Variants in SLCO6A1 observed in about 807,000 individuals in gnomAD.
The protein encoded by SLCO6A1 is solute carrier organic anion transporter family member 6A1, also known as cancer/testis antigen 48.
In SLCO6A1, 65 loss-of-function variants were observed where a neutral mutation model predicts 72.7. The observed-to-expected ratio is 0.89, with a 90% CI of 0.73 to 1.10. SLCO6A1 has a LOEUF of 1.10. SLCO6A1 is among the 50% of genes least tolerant of loss of function. The pLI is 0.00. For missense variants in SLCO6A1, 874 were observed against 872.6 expected (o/e 1.00, Z -0.02); for synonymous variants, 314 against 298.2 (o/e 1.05, Z -0.55).
At chr5:102,385,739 T>C (rs941883419) in intron 12 of SLCO6A1, among the ~76,000 whole-genome samples, 9 of 152,058 alleles carry the variant, frequency 5.9e-5, no homozygotes, top group Non-Finnish European at 1.2e-4. Context: ...GCTGTCTGTG[T>C]ACTCGTGTAG....
chr5:102,439,453 T>A (rs1387367684), intron 6 of SLCO6A1, among the ~76,000 whole-genome samples: 1 of 152,122 alleles, frequency 6.6e-6, no homozygotes, highest in Non-Finnish European at 1.5e-5. Flanking sequence ...TGCTATTTTA[T>A]GTTTACATAT....
intron 1 of SLCO6A1, among the ~76,000 whole-genome samples, chr5:102,494,689 A>G (rs1752831323): frequency 6.6e-6 from 1 of 152,218 alleles, no homozygotes; most frequent in Non-Finnish European, 1.5e-5. Flanking sequence ...GCAAATTAAA[A>G]TCACAGTGAG....
intron 6 of SLCO6A1, among the ~76,000 whole-genome samples, chr5:102,445,926 T>C (rs1409507768): frequency 6.6e-6 from 1 of 152,198 alleles, no homozygotes; most frequent in East Asian, 1.9e-4. Context: ...CATTGGTCTC[T>C]GTGTCTGTTT....
chr5:102,397,769 G>A (rs901467887), intron 10 of SLCO6A1, among the ~76,000 whole-genome samples: 6 of 152,182 alleles, frequency 3.9e-5, no homozygotes, highest in Admixed American at 1.3e-4. Flanking sequence ...GAACCTACAA[G>A]CTGGTTTCCA....
At chr5:102,446,817 C>T (rs561138563) in intron 6 of SLCO6A1, among the ~76,000 whole-genome samples, 3 of 152,172 alleles carry the variant, frequency 2.0e-5, no homozygotes, top group South Asian at 2.1e-4. Context: ...TGCAGTGGAG[C>T]GATCTCGGCT....
In SLCO6A1 at chr5:102,475,775, G is replaced by A. The variant is rs778456548; in HGVS notation, c.821C>T (p.Ser274Leu). The change falls in exon 4 of 14, where the codon TCA (serine) becomes TTA (leucine). Residue 274 changes from serine to leucine, a missense_variant. Ser to Leu is a moderately radical substitution (Grantham distance 145, BLOSUM62 -2). Transcript: ENST00000506729. ...GIYLGIAECT[S>L]MIGYALGYVL... The stretch of plus-strand genomic sequence containing the variant: ...ATAACCCAGAGCATATCCAATCATT[G>A]ATGTACATTCTGCAATACCTGTAAA... 1.2e-6 allele frequency: 2 copies of A among 1,607,430 alleles called. No homozygotes were observed. Among genetic ancestry groups the A allele is most frequent in the South Asian group, 1.1e-5 (1 of 89,780 alleles).
At chr5:102,382,428 T>A (rs1350554308) in intron 12 of SLCO6A1, among the ~76,000 whole-genome samples, 1 of 151,800 alleles carries the variant, frequency 6.6e-6, no homozygotes, top group African/African-American at 2.4e-5. Flanking sequence ...GCTTTCAGCT[T>A]TGTTCATTTT....
At position 102,413,158 on chromosome 5, in the gene SLCO6A1, T is replaced by C. The variant is rs1295362833; in HGVS notation, c.1473-15A>G. Reference sequence around the variant, plus strand: ...ACTTCCCTGTTCTGTAAAAACAAGATTGAATGTAATCATATTACCATTGTT... The same window carrying C: ...ACTTCCCTGTTCTGTAAAAACAAGACTGAATGTAATCATATTACCATTGTT... On this transcript the variant is annotated splice_polypyrimidine_tract_variant and intron_variant, in intron 8 of 13. Transcript: ENST00000506729. The C allele has an allele frequency of 6.5e-7, 1 of 1,546,352 alleles. No homozygotes were observed. Among genetic ancestry groups the C allele is most frequent in the Non-Finnish European group, 8.7e-7 (1 of 1,155,774 alleles).
chr5:102,406,641 G>A (rs1394889968), intron 9 of SLCO6A1, among the ~76,000 whole-genome samples: 1 of 152,074 alleles, frequency 6.6e-6, no homozygotes, highest in Non-Finnish European at 1.5e-5. Context: ...AGAGTTAATA[G>A]TAAGAATGTT....
chr5:102,372,190 T>C (rs1479964989), intron 13 of SLCO6A1, 67 bp from the exon 14 acceptor site: 3 of 152,056 alleles, frequency 2.0e-5, no homozygotes, highest in Non-Finnish European at 4.4e-5. Flanking sequence ...AGTTTATAGG[T>C]TTTTAAAATG....
intron 6 of SLCO6A1, among the ~76,000 whole-genome samples, chr5:102,440,600 A>G (rs1749782498): frequency 6.6e-6 from 1 of 152,102 alleles, no homozygotes; most frequent in Non-Finnish European, 1.5e-5. Flanking sequence ...TCCATCCCAG[A>G]AAAAATTTCT....
At chr5:102,373,649 TAA>T (rs1470969460) in intron 12 of SLCO6A1, among the ~76,000 whole-genome samples, 155 bp from the exon 13 acceptor site, 6 of 151,426 alleles carry the variant, frequency 4.0e-5, no homozygotes, top group African/African-American at 1.4e-4. Flanking sequence ...AAAATTATAT[TAA>T]GTTACTTAAA....
At chr5:102,476,901 C>T (rs971782145) in intron 3 of SLCO6A1, among the ~76,000 whole-genome samples, 3 of 151,846 alleles carry the variant, frequency 2.0e-5, no homozygotes, top group Admixed American at 6.6e-5. Flanking sequence ...TAACCCTGTA[C>T]AAATAGATGA....
chr5:102,409,865 C>T lies in SLCO6A1; in HGVS notation c.1626+3125G>A, dbSNP rs183325716. ...AGGACGCAGGGGTTACAGCTATATC[C>T]TTCATGGCCTGTTCAGCTCTTGAAT... On this transcript the variant is annotated intron_variant, in intron 9 of 13. Transcript: ENST00000506729. Among the ~76,000 whole-genome samples the T allele has an allele frequency of 2.0e-5, 3 of 152,230 alleles. No individual in the cohort carries two copies. In the East Asian group the frequency reaches 5.8e-4, roughly 29 times the overall value.
At chr5:102,409,267 C>T (rs1041016008) in intron 9 of SLCO6A1, among the ~76,000 whole-genome samples, 1 of 152,070 alleles carries the variant, frequency 6.6e-6, no homozygotes, top group African/African-American at 2.4e-5. Flanking sequence ...TCCTACTACT[C>T]CTCTCACAAA....
Position 102,417,276 on chromosome 5 carries a change from CT to C in SLCO6A1, c.1472+2549del, listed in dbSNP as rs909108530. 4.1e-4 allele frequency among the ~76,000 whole-genome samples: 60 copies of C among 146,580 alleles called. 1 individual carries two copies. Among genetic ancestry groups the C allele is most frequent in the Middle Eastern group, 3.6e-3 (1 of 276 alleles). The stretch of plus-strand genomic sequence containing the variant: ...AATACAGCATATATAGTTGGGTCTT[CT>C]TTTTTTTTTCAAAATAAAGATTATC... On this transcript the variant is annotated intron_variant, in intron 8 of 13. Coordinates refer to ENST00000506729, the MANE Select transcript of SLCO6A1 (RefSeq NM_173488.5).
chr5:102,413,891 C>G (rs1477686473), intron 8 of SLCO6A1, among the ~76,000 whole-genome samples: 1 of 152,048 alleles, frequency 6.6e-6, no homozygotes. Context: ...CCATATATTT[C>G]TTTTCAAACT....
chr5:102,430,509 G>A (rs528110365), intron 7 of SLCO6A1, among the ~76,000 whole-genome samples: 1 of 152,214 alleles, frequency 6.6e-6, no homozygotes, highest in South Asian at 2.1e-4. Flanking sequence ...TTAACATGAA[G>A]GGATGTTGAA....
At chr5:102,437,851 C>T (rs563089017) in intron 7 of SLCO6A1, among the ~76,000 whole-genome samples, 3 of 152,162 alleles carry the variant, frequency 2.0e-5, no homozygotes, top group African/African-American at 7.2e-5. Context: ...TTACTGGATG[C>T]ATCCTTGACC....
Sources: allele counts gnomAD v4.1 joint callset (sites outside exome capture counted in the v4.1 genomes callset), GRCh38; gene constraint gnomAD v4.1.1; transcripts MANE v1.5; gene names NCBI Gene and HGNC (gene_info 2026-07-23, HGNC 2026-07-21).